ACER3: variants seen among roughly 807,000 people sequenced by gnomAD.
ACER3 encodes the protein alkCDase 3.
Under a neutral mutation model 48.9 loss-of-function variants are expected in ACER3, and 16 were observed. The observed-to-expected ratio is 0.33, with a 90% CI of 0.22 to 0.50. The LOEUF (loss-of-function observed/expected upper bound fraction) is 0.50. Ranked by LOEUF, ACER3 falls within the 20% of genes least tolerant of loss-of-function variation. ACER3 has a pLI of 0.98. For missense variants in ACER3, 227 were observed against 326.0 expected (o/e 0.70, Z 2.34); for synonymous variants, 109 against 107.8 (o/e 1.01, Z -0.07).
chr11:77,022,534 T>A lies in ACER3; in HGVS notation c.*2207T>A, dbSNP rs1949487488. The A allele has an allele frequency of 6.6e-6, 1 of 152,216 alleles. No individual in the cohort carries two copies. The highest frequency in any genetic ancestry group is 1.5e-5 in the Non-Finnish European group (1 of 68,042). 9.4% of individuals were successfully genotyped at this position (152,216 alleles called of 1,614,324 possible). A position where few individuals can be genotyped will look rare whatever the true frequency, so the allele number is the denominator to read the frequency against. On this transcript the variant is annotated 3_prime_UTR_variant, in exon 11 of 11. Coordinates refer to ENST00000532485, the MANE Select transcript of ACER3 (RefSeq NM_018367.7). ...TCTTTTTAGCTACTAAGTAACATAC[T>A]CAAGACTTTGTATCTGTGCAGCATT...
rs551641545 is a variant in ACER3, at chr11:76,914,989, T to C, written c.104-11568T>C. Among the ~76,000 whole-genome samples the C allele has an allele frequency of 1.8e-4, 27 of 152,160 alleles. No homozygotes were observed. The South Asian group carries it at 3.5e-3, about 20-fold the overall frequency. The stretch of plus-strand genomic sequence containing the variant: ...GCATGTTCTCACTCATAGGTGGGAA[T>C]TGAACTATGAGAACACTTGGACACA... On this transcript the variant is annotated intron_variant, in intron 1 of 10. Transcript: ENST00000532485.
At chr11:76,909,271 T>C (rs1489958946) in intron 1 of ACER3, among the ~76,000 whole-genome samples, 2 of 151,956 alleles carry the variant, frequency 1.3e-5, no homozygotes, top group African/African-American at 2.4e-5. Flanking sequence ...AATTGACAAA[T>C]GGGATCTAAT....
rs1359361376 is a variant in ACER3 at position 77,009,081 on chromosome 11, A to G, written c.498-5935A>G. Among the ~76,000 whole-genome samples, 32 of 152,176 alleles carry G rather than the reference A, an allele frequency of 2.1e-4. 1 individual carries two copies. Among genetic ancestry groups the G allele is most frequent in the Admixed American group, 2.1e-3 (32 of 15,280 alleles). On this transcript the variant is annotated intron_variant, in intron 7 of 10. Coordinates refer to ENST00000532485, the MANE Select transcript of ACER3 (RefSeq NM_018367.7). ...TCTCCAAATAATAGCAATCCAAAGTATCTGTATTAAGCCATCATTGCACTG... is the reference window on the plus strand; with the variant it reads ...TCTCCAAATAATAGCAATCCAAAGTGTCTGTATTAAGCCATCATTGCACTG...
chr11:76,982,000 C>T (rs867792899), intron 4 of ACER3, among the ~76,000 whole-genome samples: 1 of 152,062 alleles, frequency 6.6e-6, no homozygotes, highest in South Asian at 2.1e-4. Context: ...GTTCTACTGG[C>T]AATATATGAA....
chr11:76,953,678 T>C (rs552637021), intron 2 of ACER3, among the ~76,000 whole-genome samples: 1 of 152,306 alleles, frequency 6.6e-6, no homozygotes, highest in Admixed American at 6.5e-5. Flanking sequence ...AAGTTGTATT[T>C]TATGTGTTTT....
chr11:76,890,985 G>A (rs1026189996), intron 1 of ACER3, among the ~76,000 whole-genome samples: 1 of 151,910 alleles, frequency 6.6e-6, no homozygotes, highest in African/African-American at 2.4e-5. Flanking sequence ...CAGGCATGGT[G>A]GCACGTGCCT....
intron 3 of ACER3, among the ~76,000 whole-genome samples, chr11:76,966,054 C>T (rs1948129853): frequency 6.6e-6 from 1 of 151,338 alleles, no homozygotes; most frequent in African/African-American, 2.4e-5. Flanking sequence ...GTGCTGTATT[C>T]AGGAGATCCA....
chr11:76,940,036 T>G (rs1249156650), intron 2 of ACER3, among the ~76,000 whole-genome samples: 1 of 152,230 alleles, frequency 6.6e-6, no homozygotes, highest in Non-Finnish European at 1.5e-5. Context: ...ATGTCCATGC[T>G]TAGGAGATAC....
intron 2 of ACER3, chr11:76,955,354 G>C (rs1459987816): frequency 6.6e-6 from 1 of 152,152 alleles, no homozygotes; most frequent in African/African-American, 2.4e-5. Context: ...TGAAAATGTA[G>C]AAACAACCTA....
chr11:76,969,309 G>T (rs1948228070), intron 3 of ACER3, among the ~76,000 whole-genome samples: 1 of 152,172 alleles, frequency 6.6e-6, no homozygotes. Flanking sequence ...GTGCTGGAGA[G>T]GATGTGGAGA....
intron 2 of ACER3, among the ~76,000 whole-genome samples, chr11:76,932,409 T>G (rs1406753304): frequency 6.6e-6 from 1 of 152,224 alleles, no homozygotes; most frequent in Non-Finnish European, 1.5e-5. Flanking sequence ...TATGAGAGAC[T>G]TTAATTTCAC....
chr11:77,022,838 C>T lies in ACER3; in HGVS notation c.*2511C>T, dbSNP rs1372771011. ...TATTTTAGAAAATACTTTGTGAGGC[C>T]GGGCATGGTGGCAGAGCGAGACTCC... On this transcript the variant is annotated 3_prime_UTR_variant, in exon 11 of 11. Coordinates refer to ENST00000532485, the MANE Select transcript of ACER3 (RefSeq NM_018367.7). 3.0e-5 allele frequency: 8 copies of T among 270,046 alleles called. No homozygotes were observed. Among genetic ancestry groups the T allele is most frequent in the African/African-American group, 1.4e-4 (6 of 42,596 alleles). 16.7% of individuals were successfully genotyped at this position (270,046 alleles called of 1,614,324 possible). A position where few individuals can be genotyped will look rare whatever the true frequency, so the allele number is the denominator to read the frequency against.
intron 1 of ACER3, among the ~76,000 whole-genome samples, chr11:76,866,055 GC>G (rs900436493): frequency 1.3e-5 from 2 of 150,144 alleles, no homozygotes; most frequent in Admixed American, 1.3e-4. Context: ...TGAACTCCTG[GC>G]CTCAAGTGAT....
intron 7 of ACER3, among the ~76,000 whole-genome samples, chr11:77,008,001 T>C (rs1458691351): frequency 1.3e-5 from 2 of 152,238 alleles, no homozygotes; most frequent in African/African-American, 4.8e-5. Flanking sequence ...CCACATTGTA[T>C]ACATATGTCA....
chr11:76,895,786 T>C (rs552345509), intron 1 of ACER3, among the ~76,000 whole-genome samples: 1 of 152,366 alleles, frequency 6.6e-6, no homozygotes, highest in South Asian at 2.1e-4. Context: ...GATTTTTTTG[T>C]ACATTGTTTA....
chr11:76,919,006 G>A (rs546484968), intron 1 of ACER3, among the ~76,000 whole-genome samples: 2 of 152,238 alleles, frequency 1.3e-5, no homozygotes, highest in South Asian at 4.2e-4. Flanking sequence ...AAAGTGCTGG[G>A]TTGCTTTCAG....
intron 1 of ACER3, among the ~76,000 whole-genome samples, chr11:76,912,373 A>G (rs987463475): frequency 1.3e-5 from 2 of 152,100 alleles, no homozygotes; most frequent in Admixed American, 1.3e-4. Flanking sequence ...AAGAAATTGA[A>G]TTGGTTTTTT....
chr11:76,963,811 C>T (rs944632686), intron 3 of ACER3, among the ~76,000 whole-genome samples: 3 of 151,360 alleles, frequency 2.0e-5, no homozygotes, highest in African/African-American at 4.9e-5. Flanking sequence ...CATTATGCTG[C>T]GTTAAGAAAA....
At chr11:76,914,033 T>C (rs1392619834) in intron 1 of ACER3, among the ~76,000 whole-genome samples, 3 of 152,292 alleles carry the variant, frequency 2.0e-5, no homozygotes, top group South Asian at 2.1e-4. Flanking sequence ...CCTTACTCCT[T>C]ATACAAAAAT....
Sources: gnomAD v4.1 joint callset for allele counts (sites outside exome capture counted in the v4.1 genomes callset) on GRCh38, gnomAD v4.1.1 for gene constraint, MANE v1.5 for transcripts, NCBI Gene and HGNC (gene_info 2026-07-23, HGNC 2026-07-21) for gene names.